The following CA10 variants were observed in gnomAD, a reference collection of about 807,000 sequenced individuals.
The protein encoded by CA10 is carbonic anhydrase-related protein 10.
A neutral mutation model predicts 44.2 loss-of-function variants in CA10; 14 were observed. That is an observed-to-expected ratio of 0.32 (90% CI 0.21 to 0.50). The LOEUF (loss-of-function observed/expected upper bound fraction) is 0.50. Ranked by LOEUF, CA10 falls within the 20% of genes least tolerant of loss-of-function variation. The probability of loss-of-function intolerance (pLI) is 0.99; values close to 1 mark genes in which losing one functional copy is unlikely to be tolerated. For synonymous variants in CA10, 159 were observed against 141.6 expected (o/e 1.12, Z -0.87); for missense variants, 350 against 409.7 (o/e 0.85, Z 1.26).
chr17:51,983,371 G>T (rs1027056828), intron 2 of CA10, among the ~76,000 whole-genome samples: 1 of 151,598 alleles, frequency 6.6e-6, no homozygotes, highest in African/African-American at 2.4e-5. Context: ...CTCACATAAG[G>T]CTTTCTGATT....
intron 2 of CA10, among the ~76,000 whole-genome samples, chr17:51,949,057 C>T (rs535725993): frequency 6.6e-5 from 10 of 152,060 alleles, no homozygotes; most frequent in African/African-American, 2.2e-4. Context: ...ATAACGGATA[C>T]TATGATCTCT....
At chr17:51,910,077 T>C (rs1981726390) in intron 3 of CA10, among the ~76,000 whole-genome samples, 1 of 152,088 alleles carries the variant, frequency 6.6e-6, no homozygotes. Flanking sequence ...TTAAACCAGA[T>C]GCACCATGAG....
At position 51,644,800 on chromosome 17, in the gene CA10, C is replaced by CTTTT. The variant is rs148441183; in HGVS notation, c.634+4378_634+4381dup. On this transcript the variant is annotated intron_variant, in intron 6 of 8. Coordinates refer to ENST00000451037, the MANE Select transcript of CA10 (RefSeq NM_020178.5). ...TCAGATATATCAGTACATTTCTTGG[C>CTTTT]TTTTTTTTTTTTTTTTTTGACAGAA... is the stretch of plus-strand genomic sequence containing the variant. Among the ~76,000 whole-genome samples, 25 of 121,124 alleles carry CTTTT rather than the reference C, an allele frequency of 2.1e-4. 1 individual carries two copies. Among genetic ancestry groups the CTTTT allele is most frequent in the African/African-American group, 6.2e-4 (20 of 32,342 alleles). 79.5% of individuals were successfully genotyped at this position (121,124 alleles called of 152,430 possible). A position where few individuals can be genotyped will look rare whatever the true frequency, so the allele number is the denominator to read the frequency against.
chr17:52,150,679 C>A (rs1390434155), intron 1 of CA10, among the ~76,000 whole-genome samples: 1 of 152,114 alleles, frequency 6.6e-6, no homozygotes, highest in Admixed American at 6.5e-5. Context: ...GATAAAACTG[C>A]TACACAATGC....
At chr17:51,687,038 C>G (rs1284690655) in intron 4 of CA10, among the ~76,000 whole-genome samples, 1 of 152,194 alleles carries the variant, frequency 6.6e-6, no homozygotes, top group African/African-American at 2.4e-5. Context: ...TCATGTCACA[C>G]CCCTATTTAA....
chr17:51,966,776 A>G (rs1055116088), intron 2 of CA10, among the ~76,000 whole-genome samples: 2 of 151,818 alleles, frequency 1.3e-5, no homozygotes, highest in African/African-American at 4.8e-5. Flanking sequence ...AGGAAATACC[A>G]TTCTGGACAG....
intron 1 of CA10, among the ~76,000 whole-genome samples, chr17:52,118,167 G>T (rs1281654468): frequency 6.6e-6 from 1 of 152,132 alleles, no homozygotes; most frequent in African/African-American, 2.4e-5. Flanking sequence ...TGGGATAGAC[G>T]TTAATAGTAA....
At chr17:51,726,960 A>C (rs1916545652) in intron 4 of CA10, among the ~76,000 whole-genome samples, 1 of 152,206 alleles carries the variant, frequency 6.6e-6, no homozygotes, top group Non-Finnish European at 1.5e-5. Flanking sequence ...TGCTGGTTTC[A>C]TCAGCTGCTT....
intron 4 of CA10, among the ~76,000 whole-genome samples, chr17:51,714,504 G>A (rs1294543500): frequency 6.6e-6 from 1 of 152,118 alleles, no homozygotes; most frequent in Non-Finnish European, 1.5e-5. Flanking sequence ...GAGGTGGGCT[G>A]GGGTCCTCAT....
chr17:52,018,213 C>T (rs541446056), intron 2 of CA10, among the ~76,000 whole-genome samples: 1 of 152,120 alleles, frequency 6.6e-6, no homozygotes, highest in Non-Finnish European at 1.5e-5. Context: ...AAGTCCCCAC[C>T]AGCACACTGC....
intron 6 of CA10, among the ~76,000 whole-genome samples, chr17:51,642,127 G>A (rs1045445208): frequency 6.6e-6 from 1 of 152,182 alleles, no homozygotes; most frequent in Non-Finnish European, 1.5e-5. Context: ...AGGGACCTCT[G>A]AGAATTGGAT....
At chr17:51,756,443 G>A (rs1224964278) in intron 3 of CA10, among the ~76,000 whole-genome samples, 1 of 151,540 alleles carries the variant, frequency 6.6e-6, no homozygotes, top group Non-Finnish European at 1.5e-5. Context: ...GGTAGGAAGA[G>A]TGCTGAGTGC....
intron 3 of CA10, among the ~76,000 whole-genome samples, chr17:51,874,918 G>A (rs1221543417): frequency 6.6e-6 from 1 of 151,690 alleles, no homozygotes; most frequent in Non-Finnish European, 1.5e-5. Context: ...GGTAGGGTGA[G>A]GGGTAGTGAG....
intron 3 of CA10, among the ~76,000 whole-genome samples, chr17:51,923,209 CA>C (rs1278142453): frequency 1.3e-5 from 2 of 152,102 alleles, no homozygotes; most frequent in Non-Finnish European, 2.9e-5. Context: ...CAATAAAAAC[CA>C]GCACCACGGC....
At chr17:51,848,271 T>C (rs540886083) in intron 3 of CA10, among the ~76,000 whole-genome samples, 15 of 152,360 alleles carry the variant, frequency 9.8e-5, no homozygotes, top group East Asian at 7.7e-4. Flanking sequence ...AATATTGCAT[T>C]AAAATGCTAT....
At chr17:51,834,689 C>T (rs1908410315) in intron 3 of CA10, among the ~76,000 whole-genome samples, 1 of 152,186 alleles carries the variant, frequency 6.6e-6, no homozygotes, top group Non-Finnish European at 1.5e-5. Flanking sequence ...ACAAATGTGA[C>T]TTTGAACCCA....
chr17:51,802,949 G>A (rs1273192187), intron 3 of CA10, among the ~76,000 whole-genome samples: 1 of 152,126 alleles, frequency 6.6e-6, no homozygotes, highest in Non-Finnish European at 1.5e-5. Flanking sequence ...GACATTAAGT[G>A]CGGAGTAGCA....
chr17:51,808,916 GACAA>G (rs1267278468), intron 3 of CA10, among the ~76,000 whole-genome samples: 1 of 152,062 alleles, frequency 6.6e-6, no homozygotes, highest in Non-Finnish European at 1.5e-5. Context: ...CATCTTTGAA[GACAA>G]ACAAAATTCA....
chr17:51,755,725 G>A (rs950861861), intron 3 of CA10, among the ~76,000 whole-genome samples: 1 of 152,232 alleles, frequency 6.6e-6, no homozygotes, highest in Non-Finnish European at 1.5e-5. Context: ...GATTTACTAT[G>A]TGTCAGATGT....
Sources: allele counts gnomAD v4.1 joint callset (sites outside exome capture counted in the v4.1 genomes callset), GRCh38; gene constraint gnomAD v4.1.1; transcripts MANE v1.5; gene names NCBI Gene and HGNC (gene_info 2026-07-23, HGNC 2026-07-21).